The following CACNA2D1 variants were observed in gnomAD, a reference collection of about 807,000 sequenced individuals.
CACNA2D1 encodes the protein voltage-dependent calcium channel subunit alpha-2/delta-1.
Under a neutral mutation model 171.5 loss-of-function variants are expected in CACNA2D1, and 53 were observed. The observed-to-expected ratio is 0.31, with a 90% CI of 0.25 to 0.39. The LOEUF is 0.39. Ranked by LOEUF, CACNA2D1 falls within the 10% of genes least tolerant of loss-of-function variation. CACNA2D1 has a pLI of 1.00. For missense variants in CACNA2D1, 903 were observed against 1,299.8 expected, an observed-to-expected ratio of 0.69 and a Z score of 4.69; for synonymous variants, 442 against 443.1, an observed-to-expected ratio of 1.00 and a Z score of 0.03.
chr7:82,172,616 C>CT lies in CACNA2D1; in HGVS notation c.295-2008dup, dbSNP rs55737158. Among the ~76,000 whole-genome samples, 597 of 64,486 alleles carry CT rather than the reference C, an allele frequency of 9.3e-3. 2 individuals carry two copies. Among genetic ancestry groups the CT allele is most frequent in the Middle Eastern group, 0.022 (2 of 92 alleles). The allele number at this position is 64,486 out of a possible 152,430, so 42.3% of individuals were successfully genotyped here. ...TACAGGTTTGCATCAAGAAACCCGG[C>CT]TTTTTTTTTTTTTTTTTTTTTTTTG... On this transcript the variant is annotated intron_variant, in intron 3 of 38. Coordinates refer to ENST00000356860, the MANE Select transcript of CACNA2D1 (RefSeq NM_000722.4).
At chr7:82,206,386 A>C (rs1481480955) in intron 3 of CACNA2D1, among the ~76,000 whole-genome samples, 1 of 152,146 alleles carries the variant, frequency 6.6e-6, no homozygotes, top group African/African-American at 2.4e-5. Flanking sequence ...CCATGAAATC[A>C]AACATTTATT....
intron 3 of CACNA2D1, among the ~76,000 whole-genome samples, chr7:82,263,359 C>A (rs1350708974): frequency 1.3e-5 from 2 of 152,050 alleles, no homozygotes; most frequent in Admixed American, 6.6e-5. Flanking sequence ...GATCTGCCTG[C>A]CTCAGCATCC....
At chr7:82,269,857 C>T (rs1808385914) in intron 3 of CACNA2D1, among the ~76,000 whole-genome samples, 1 of 152,072 alleles carries the variant, frequency 6.6e-6, no homozygotes, top group South Asian at 2.1e-4. Context: ...TATTAGAGTG[C>T]TTCAGTAGAT....
At chr7:82,231,595 G>T (rs569738226) in intron 3 of CACNA2D1, among the ~76,000 whole-genome samples, 108 of 151,916 alleles carry the variant, frequency 7.1e-4, no homozygotes, top group African/African-American at 2.3e-3. Flanking sequence ...AAATCACATT[G>T]TATAGTAAGT....
intron 4 of CACNA2D1, among the ~76,000 whole-genome samples, chr7:82,143,833 G>A (rs10486945): frequency 0.26 from 39,755 of 151,932 alleles, 5,865 homozygotes; most frequent in East Asian, 0.37. Context: ...AATCTTGCTG[G>A]AGAAAATTAC....
At chr7:82,314,554 C>G (rs578122031) in intron 3 of CACNA2D1, among the ~76,000 whole-genome samples, 25 of 152,266 alleles carry the variant, frequency 1.6e-4, no homozygotes, top group Non-Finnish European at 5.9e-5. Flanking sequence ...GGTGTGCTAA[C>G]TATTAGTAAT....
At chr7:82,301,607 T>C (rs1299619976) in intron 3 of CACNA2D1, among the ~76,000 whole-genome samples, 2 of 152,076 alleles carry the variant, frequency 1.3e-5, no homozygotes, top group Non-Finnish European at 2.9e-5. Flanking sequence ...CCCACCAACA[T>C]AGATGGTAGA....
chr7:82,171,557 C>T (rs1015335277), intron 3 of CACNA2D1, among the ~76,000 whole-genome samples: 3 of 152,088 alleles, frequency 2.0e-5, no homozygotes, highest in African/African-American at 7.2e-5. Context: ...AAGCCTGCCT[C>T]ATGGCTTATT....
chr7:82,223,196 G>A (rs534464203), intron 3 of CACNA2D1, among the ~76,000 whole-genome samples: 2 of 152,178 alleles, frequency 1.3e-5, no homozygotes, highest in South Asian at 2.1e-4. Flanking sequence ...CTGAGCCACC[G>A]CGCTCAGCCA....
chr7:82,327,495 A>C (rs2129442841), intron 3 of CACNA2D1, among the ~76,000 whole-genome samples: 1 of 152,352 alleles, frequency 6.6e-6, no homozygotes, highest in African/African-American at 2.4e-5. Flanking sequence ...TGTATATAAA[A>C]GTGTTACTGC....
intron 3 of CACNA2D1, among the ~76,000 whole-genome samples, chr7:82,306,862 A>T (rs1203326996): frequency 8.0e-6 from 1 of 124,784 alleles, no homozygotes; most frequent in African/African-American, 3.5e-5. Context: ...TCTTACTGGT[A>T]TCTACGAAAA....
intron 3 of CACNA2D1, among the ~76,000 whole-genome samples, chr7:82,186,289 A>ACG (rs1478087184): frequency 7.6e-6 from 1 of 130,846 alleles, no homozygotes; most frequent in East Asian, 2.6e-4. Flanking sequence ...GAAGGAAGGA[A>ACG]AGAAAGGTGG....
At chr7:82,260,001 C>T (rs565656844) in intron 3 of CACNA2D1, among the ~76,000 whole-genome samples, 18 of 152,116 alleles carry the variant, frequency 1.2e-4, no homozygotes, top group African/African-American at 4.3e-4. Flanking sequence ...GGCGAGTAAA[C>T]CACCTGAGGT....
intron 4 of CACNA2D1, among the ~76,000 whole-genome samples, chr7:82,142,083 T>G (rs764516281): frequency 1.2e-4 from 18 of 152,186 alleles, no homozygotes; most frequent in Non-Finnish European, 2.4e-4. Flanking sequence ...AGGCATTATG[T>G]GCAGTATGAT....
rs2129053921 is a variant in CACNA2D1, at chr7:82,117,266, A to C, written c.397-93T>G. ...TTTACTTGCCAAATGCATATTTTTC[A>C]AAAAATAAATCTACAACAATTGTTT... On this transcript the variant is annotated intron_variant, in intron 5 of 38. Coordinates refer to ENST00000356860, the MANE Select transcript of CACNA2D1 (RefSeq NM_000722.4). 2.4e-6 allele frequency: 3 copies of C among 1,233,374 alleles called. No individual in the cohort carries two copies. The East Asian group carries it at 7.4e-5, about 30-fold the overall frequency. 76.4% of individuals were successfully genotyped at this position (1,233,374 alleles called of 1,614,324 possible). A position where few individuals can be genotyped will look rare whatever the true frequency, so the allele number is the denominator to read the frequency against.
intron 1 of CACNA2D1, among the ~76,000 whole-genome samples, chr7:82,376,139 T>C (rs1822992443): frequency 6.6e-6 from 1 of 152,186 alleles, no homozygotes; most frequent in South Asian, 2.1e-4. Flanking sequence ...GAAATGTAGT[T>C]AGATCCCAAA....
intron 3 of CACNA2D1, among the ~76,000 whole-genome samples, chr7:82,282,601 T>C (rs1215836805): frequency 6.6e-6 from 1 of 152,108 alleles, no homozygotes; most frequent in Non-Finnish European, 1.5e-5. Flanking sequence ...TTATCCTATT[T>C]TCTTATATTT....
At chr7:82,101,946 G>A (rs929183946) in intron 6 of CACNA2D1, among the ~76,000 whole-genome samples, 1 of 152,084 alleles carries the variant, frequency 6.6e-6, no homozygotes, top group Non-Finnish European at 1.5e-5. Context: ...TAATAAATTG[G>A]AGATATTATT....
chr7:81,959,694 C>T, intron 37 of CACNA2D1, 26 bp downstream of exon 37: 1 of 1,603,092 alleles, frequency 6.2e-7, no homozygotes, highest in Non-Finnish European at 8.5e-7. Context: ...TTTTCCTTTC[C>T]AGATAGCTCT....
Sources: allele counts gnomAD v4.1 joint callset (sites outside exome capture counted in the v4.1 genomes callset), GRCh38; gene constraint gnomAD v4.1.1; transcripts MANE v1.5; gene names NCBI Gene and HGNC (gene_info 2026-07-23, HGNC 2026-07-21).